The following GRIN2B variants were observed in gnomAD, a reference collection of about 807,000 sequenced individuals.
GRIN2B encodes the protein glutamate ionotropic receptor NMDA type subunit 2B.
A neutral mutation model predicts 114.5 loss-of-function variants in GRIN2B; 5 were observed. That is an observed-to-expected ratio of 0.04 (90% CI 0.02 to 0.09). GRIN2B has a LOEUF of 0.09. Ranked by LOEUF, GRIN2B falls within the 10% of genes least tolerant of loss-of-function variation. The probability of loss-of-function intolerance (pLI) is 1.00; values close to 1 mark genes in which losing one functional copy is unlikely to be tolerated. For missense variants in GRIN2B, 1,108 were observed against 1,943.5 expected, an observed-to-expected ratio of 0.57 and a Z score of 8.08; for synonymous variants, 787 against 745.1, an observed-to-expected ratio of 1.06 and a Z score of -0.92.
intron 2 of GRIN2B, among the ~76,000 whole-genome samples, chr12:13,876,197 C>A (rs1055099622): frequency 3.9e-5 from 6 of 152,144 alleles, no homozygotes; most frequent in Middle Eastern, 3.2e-3. Flanking sequence ...GGCTTTGACA[C>A]TTATCTTGGG....
intron 2 of GRIN2B, among the ~76,000 whole-genome samples, chr12:13,867,371 T>G (rs766093484): frequency 5.9e-5 from 9 of 152,200 alleles, no homozygotes; most frequent in Non-Finnish European, 1.2e-4. Flanking sequence ...TCTCTCTCTA[T>G]GCTTCTCATT....
rs530509136 is a variant in GRIN2B at position 13,838,414 on chromosome 12, C to T, written c.411+27384G>A. Among the ~76,000 whole-genome samples, 4 of 152,272 alleles carry T rather than the reference C, an allele frequency of 2.6e-5. No homozygotes were observed. In the South Asian group the frequency reaches 8.3e-4, roughly 32 times the overall value. ...GAAGCACCCCAGTCCTTCAGTGTAA[C>T]CTTTCTTACCTTCCTAGTTCTCTCT... On this transcript the variant is annotated intron_variant, in intron 3 of 13. Coordinates refer to ENST00000609686, the MANE Select transcript of GRIN2B (RefSeq NM_000834.5).
intron 3 of GRIN2B, among the ~76,000 whole-genome samples, chr12:13,802,091 T>C (rs1250673862): frequency 6.6e-6 from 1 of 152,106 alleles, no homozygotes; most frequent in Non-Finnish European, 1.5e-5. Context: ...TGAAGGAGTC[T>C]GAAGTCTAGC....
intron 2 of GRIN2B, among the ~76,000 whole-genome samples, chr12:13,950,720 C>T (rs566680823): frequency 5.3e-5 from 8 of 152,292 alleles, no homozygotes; most frequent in African/African-American, 1.9e-4. Flanking sequence ...TCTGAGCCTA[C>T]TCTCATGCCT....
chr12:13,695,291 C>A (rs1950250719), intron 4 of GRIN2B, among the ~76,000 whole-genome samples: 1 of 152,200 alleles, frequency 6.6e-6, no homozygotes, highest in Non-Finnish European at 1.5e-5. Flanking sequence ...ACTGGCCTGC[C>A]ACTGTCATAT....
chr12:13,624,278 A>G (rs570100143), intron 5 of GRIN2B, among the ~76,000 whole-genome samples: 15 of 152,254 alleles, frequency 9.9e-5, no homozygotes, highest in African/African-American at 3.4e-4. Flanking sequence ...GTTCTCAGTA[A>G]ATTATTGACT....
At chr12:13,748,916 C>A (rs111806494) in intron 4 of GRIN2B, among the ~76,000 whole-genome samples, 8,015 of 152,200 alleles carry the variant, frequency 0.053, 321 homozygotes, top group African/African-American at 0.11. Context: ...CTTGTGCTAA[C>A]GAAATTATTC....
chr12:13,953,266 T>G (rs1479189128), intron 2 of GRIN2B, among the ~76,000 whole-genome samples: 1 of 152,244 alleles, frequency 6.6e-6, no homozygotes, highest in East Asian at 1.9e-4. Flanking sequence ...AGAAGTCACG[T>G]AGAGCCATGC....
At chr12:13,950,908 C>G (rs1269118528) in intron 2 of GRIN2B, among the ~76,000 whole-genome samples, 1 of 152,132 alleles carries the variant, frequency 6.6e-6, no homozygotes, top group African/African-American at 2.4e-5. Flanking sequence ...GGCCTAGCCA[C>G]CTACAACATA....
In GRIN2B at chr12:13,549,696, A is replaced by G. The variant is rs74241194; in HGVS notation, c.*13087T>C. 6.6e-6 allele frequency: 1 copy of G among 152,084 alleles called. No individual in the cohort carries two copies. The highest frequency in any genetic ancestry group is 1.5e-5 in the Non-Finnish European group (1 of 68,014). The allele number at this position is 152,084 out of a possible 1,614,324, so 9.4% of individuals were successfully genotyped here. A position where few individuals can be genotyped will look rare whatever the true frequency, so the allele number is the denominator to read the frequency against. On this transcript the variant is annotated 3_prime_UTR_variant, in exon 14 of 14. Coordinates refer to ENST00000609686, the MANE Select transcript of GRIN2B (RefSeq NM_000834.5). Reference sequence around the variant, plus strand: ...GTGGATTACATGCTACCTAAAAAAAATTTTTAATAATAAAAAATTATTCAC... The same window carrying G: ...GTGGATTACATGCTACCTAAAAAAAGTTTTTAATAATAAAAAATTATTCAC...
At chr12:13,863,595 T>C (rs1865781265) in intron 3 of GRIN2B, among the ~76,000 whole-genome samples, 1 of 152,210 alleles carries the variant, frequency 6.6e-6, no homozygotes, top group African/African-American at 2.4e-5. Flanking sequence ...GTTAAGAGTA[T>C]TAAATAAGAT....
At chr12:13,702,443 G>C (rs12371702) in intron 4 of GRIN2B, among the ~76,000 whole-genome samples, 27,666 of 152,146 alleles carry the variant, frequency 0.18, 3,060 homozygotes, top group East Asian at 0.48. Flanking sequence ...TTATGCTCTT[G>C]ACTTCAGTAG....
intron 2 of GRIN2B, among the ~76,000 whole-genome samples, chr12:13,949,348 C>G (rs1275714606): frequency 6.6e-6 from 1 of 152,130 alleles, no homozygotes; most frequent in East Asian, 1.9e-4. Context: ...TAGGCCCTCC[C>G]ACATCCTCCA....
At chr12:13,825,496 T>TGTGTGTG (rs1555144019) in intron 3 of GRIN2B, among the ~76,000 whole-genome samples, 48 of 122,992 alleles carry the variant, frequency 3.9e-4, no homozygotes, top group Non-Finnish European at 6.4e-4. Flanking sequence ...TATATATATT[T>TGTGTGTG]TGTGTGTGTG....
At chr12:13,939,260 T>A (rs941041471) in intron 2 of GRIN2B, among the ~76,000 whole-genome samples, 1 of 152,156 alleles carries the variant, frequency 6.6e-6, no homozygotes. Flanking sequence ...CCAAATCTCA[T>A]AGAAATGTGA....
Position 13,593,208 on chromosome 12 carries a change from T to C in GRIN2B, c.2010+15395A>G, listed in dbSNP as rs568969476. Among the ~76,000 whole-genome samples the C allele has an allele frequency of 2.0e-4, 31 of 152,316 alleles. No individual in the cohort carries two copies. The East Asian group carries it at 5.0e-3, about 25-fold the overall frequency. On this transcript the variant is annotated intron_variant, in intron 10 of 13. Coordinates refer to ENST00000609686, the MANE Select transcript of GRIN2B (RefSeq NM_000834.5). ...TTGGAAAAAACTACTTTAAATTTCATGTGGAACCAAAAGAGCCCACATAGC... is the reference window on the plus strand; with the variant it reads ...TTGGAAAAAACTACTTTAAATTTCACGTGGAACCAAAAGAGCCCACATAGC...
chr12:13,718,908 T>C (rs1591694248), intron 4 of GRIN2B, among the ~76,000 whole-genome samples: 1 of 152,158 alleles, frequency 6.6e-6, no homozygotes. Context: ...GGACTAAAGA[T>C]GCCCTTTGTA....
chr12:13,667,297 T>G (rs940253365), intron 5 of GRIN2B, among the ~76,000 whole-genome samples: 3 of 152,120 alleles, frequency 2.0e-5, no homozygotes, highest in Non-Finnish European at 4.4e-5. Context: ...GAGAAAACCC[T>G]CTGGGACTCC....
chr12:13,868,775 TAGC>T (rs1865863870), intron 2 of GRIN2B, among the ~76,000 whole-genome samples: 1 of 152,218 alleles, frequency 6.6e-6, no homozygotes, highest in African/African-American at 2.4e-5. Flanking sequence ...ACCCAAAGAA[TAGC>T]ATCTGGTTTT....
Sources: gnomAD v4.1 joint callset for allele counts (sites outside exome capture counted in the v4.1 genomes callset) on GRCh38, gnomAD v4.1.1 for gene constraint, MANE v1.5 for transcripts, NCBI Gene and HGNC (gene_info 2026-07-23, HGNC 2026-07-21) for gene names.